WDR25: variants seen among roughly 807,000 people sequenced by gnomAD.
The protein encoded by WDR25 is WD repeat-containing protein 25.
Under a neutral mutation model 47.7 loss-of-function variants are expected in WDR25, and 35 were observed. The observed-to-expected ratio is 0.73, with a 90% CI of 0.56 to 0.97. WDR25 has a LOEUF of 0.97. Among genes scored for constraint, WDR25 ranks in the 50% least tolerant of loss-of-function variants. The probability of loss-of-function intolerance (pLI) is 0.00; values close to 1 mark genes in which losing one functional copy is unlikely to be tolerated. For synonymous variants in WDR25, 248 were observed against 278.9 expected (o/e 0.89, Z 1.10); for missense variants, 634 against 704.7 (o/e 0.90, Z 1.14).
chr14:100,465,694 C>T (rs1228821716), intron 2 of WDR25, among the ~76,000 whole-genome samples: 1 of 152,046 alleles, frequency 6.6e-6, no homozygotes, highest in African/African-American at 2.4e-5. Context: ...TTTTTGAGAC[C>T]CTGGTTTCAG....
intron 3 of WDR25, 114 bp from the exon 4 acceptor site, chr14:100,483,880 G>A: frequency 7.6e-7 from 1 of 1,309,820 alleles, no homozygotes; most frequent in Non-Finnish European, 1.0e-6. Flanking sequence ...GCTACATCGG[G>A]CCCAGGGGAG....
chr14:100,450,203 T>A (rs1898979502), intron 2 of WDR25, among the ~76,000 whole-genome samples: 1 of 152,190 alleles, frequency 6.6e-6, no homozygotes, highest in Middle Eastern at 3.2e-3. Context: ...TGACCTGCGT[T>A]TTGCCCACTC....
At chr14:100,420,708 A>G (rs1340711853) in intron 2 of WDR25, among the ~76,000 whole-genome samples, 1 of 152,234 alleles carries the variant, frequency 6.6e-6, no homozygotes, top group East Asian at 1.9e-4. Flanking sequence ...CAGCTGTCCC[A>G]TGATGTGGTG....
chr14:100,411,040 C>T (rs1392117974), intron 2 of WDR25, among the ~76,000 whole-genome samples: 1 of 152,136 alleles, frequency 6.6e-6, no homozygotes, highest in African/African-American at 2.4e-5. Context: ...GCCTCAGCCT[C>T]CCAAAGTACT....
intron 2 of WDR25, among the ~76,000 whole-genome samples, chr14:100,382,352 A>G (rs993396054): frequency 6.6e-6 from 1 of 151,938 alleles, no homozygotes; most frequent in Non-Finnish European, 1.5e-5. Context: ...TCGCTTGGGG[A>G]TGGGGGCAGA....
intron 4 of WDR25, among the ~76,000 whole-genome samples, chr14:100,490,525 C>T (rs997680102): frequency 1.3e-5 from 2 of 152,218 alleles, no homozygotes; most frequent in Non-Finnish European, 2.9e-5. Context: ...GCTGGCCTGA[C>T]CTGACTGATC....
chr14:100,382,111 T>C, intron 2 of WDR25: 2 of 703,022 alleles, frequency 2.8e-6, no homozygotes, highest in Non-Finnish European at 5.2e-6. Flanking sequence ...ATGCCAGCTC[T>C]GTGCCTGGTG....
Position 100,467,994 on chromosome 14 carries a change from C to A in WDR25, c.823-27C>A, listed in dbSNP as rs1899694736. 2.5e-6 allele frequency: 4 copies of A among 1,611,348 alleles called. No homozygotes were observed. In the Admixed American group the frequency reaches 5.0e-5, roughly 20 times the overall value. On this transcript the variant is annotated intron_variant, in intron 2 of 6. Coordinates refer to ENST00000402312, the MANE Select transcript of WDR25 (RefSeq NM_001161476.3). The stretch of plus-strand genomic sequence containing the variant: ...TGGAGATCAGGCCCTTGTTGTGACA[C>A]CTGGTGCTGTCTGTGTTTGCCTGCA...
intron 1 of WDR25, among the ~76,000 whole-genome samples, chr14:100,379,717 G>C (rs1214751204): frequency 6.6e-6 from 1 of 150,608 alleles, no homozygotes; most frequent in African/African-American, 2.4e-5. Flanking sequence ...TTCAATAAAA[G>C]TTTTAGTTTT....
At chr14:100,451,156 C>T (rs570680405) in intron 2 of WDR25, among the ~76,000 whole-genome samples, 25 of 152,164 alleles carry the variant, frequency 1.6e-4, no homozygotes, top group African/African-American at 3.9e-4. Flanking sequence ...AGAAAATAGA[C>T]GCCAGGCAGG....
At chr14:100,376,795 A>G in intron 1 of WDR25, 1 of 1,189,240 alleles carries the variant, frequency 8.4e-7, no homozygotes, top group Non-Finnish European at 1.1e-6. Context: ...GACCCAGCAT[A>G]GGGCTTGACA....
At chr14:100,464,632 C>T (rs1899541734) in intron 2 of WDR25, among the ~76,000 whole-genome samples, 1 of 151,582 alleles carries the variant, frequency 6.6e-6, no homozygotes, top group Non-Finnish European at 1.5e-5. Flanking sequence ...CACCCCATCG[C>T]ATCAACCCAG....
chr14:100,400,248 C>T (rs189009201), intron 2 of WDR25, among the ~76,000 whole-genome samples: 2 of 152,326 alleles, frequency 1.3e-5, no homozygotes, highest in East Asian at 3.9e-4. Context: ...TCATGGTGAT[C>T]CAGTGAGTGC....
rs1900983615 is a variant in WDR25 at position 100,502,984 on chromosome 14, T to TGTGTGTGTGTCCATCCATGC, written c.1101+18861_1101+18880dup. Among the ~76,000 whole-genome samples, 2 of 151,866 alleles carry TGTGTGTGTGTCCATCCATGC rather than the reference T, an allele frequency of 1.3e-5. No individual in the cohort carries two copies. The highest frequency in any genetic ancestry group is 2.9e-5 in the Non-Finnish European group (2 of 67,930). On this transcript the variant is annotated intron_variant, in intron 4 of 6. Transcript: ENST00000402312. This position sits in a 1 kb window ranked among gnomAD's most constrained non-coding sequence, Gnocchi z 4.5. ...GTGTGTCTGTATGTGTGTCGGTGCA[T>TGTGTGTGTGTCCATCCATGC]GTGTGTGTGTCCATCCATGCATGTG... is the stretch of plus-strand genomic sequence containing the variant.
intron 4 of WDR25, among the ~76,000 whole-genome samples, chr14:100,512,223 G>T (rs1901333772): frequency 1.3e-5 from 2 of 152,094 alleles, no homozygotes; most frequent in East Asian, 3.9e-4. Flanking sequence ...AAGCTGTCTT[G>T]GCCTGAAATT....
intron 2 of WDR25, among the ~76,000 whole-genome samples, chr14:100,421,484 C>A (rs1222309482): frequency 6.6e-6 from 1 of 152,178 alleles, no homozygotes; most frequent in Non-Finnish European, 1.5e-5. Context: ...CCAAGCTTAA[C>A]CTTGGCTGAG....
At chr14:100,394,521 A>G (rs1159773156) in intron 2 of WDR25, among the ~76,000 whole-genome samples, 1 of 152,198 alleles carries the variant, frequency 6.6e-6, no homozygotes, top group Non-Finnish European at 1.5e-5. Flanking sequence ...CTGTCCAGCC[A>G]TCAGTTAAAT....
intron 3 of WDR25, among the ~76,000 whole-genome samples, chr14:100,473,809 G>A (rs1170775308): frequency 6.6e-6 from 1 of 152,236 alleles, no homozygotes; most frequent in Non-Finnish European, 1.5e-5. Context: ...GAAGTGCCGT[G>A]GAGGGGCCTG....
intron 3 of WDR25, among the ~76,000 whole-genome samples, chr14:100,483,496 AG>A (rs1900277023): frequency 6.6e-6 from 1 of 152,176 alleles, no homozygotes; most frequent in African/African-American, 2.4e-5. Context: ...CATGCTCCAT[AG>A]CAAACCATTC....
Sources: gnomAD v4.1 joint callset for allele counts (sites outside exome capture counted in the v4.1 genomes callset) on GRCh38, gnomAD v4.1.1 for gene constraint, Gnocchi (gnomAD v3.1) non-coding constraint, MANE v1.5 for transcripts, NCBI Gene and HGNC (gene_info 2026-07-23, HGNC 2026-07-21) for gene names.